Variants in TDRP observed in about 807,000 individuals in gnomAD.
TDRP encodes testis development related protein, also known as testis development-related protein.
A neutral mutation model predicts 10.5 loss-of-function variants in TDRP; 12 were observed. The ratio of observed to expected loss-of-function variants is 1.15; its 90% CI spans 0.73 to 1.86. The LOEUF (loss-of-function observed/expected upper bound fraction) is 1.86. Ranked by LOEUF, TDRP falls within the 40% of genes most tolerant of loss-of-function variation. The pLI is 0.00. For synonymous variants in TDRP, 139 were observed against 95.4 expected (o/e 1.46, Z -2.67); for missense variants, 353 against 229.2 (o/e 1.54, Z -3.49).
At position 491,641 on chromosome 8, in the gene TDRP, C is replaced by A; in HGVS notation, c.*758G>T. On this transcript the variant is annotated 3_prime_UTR_variant, in exon 3 of 3. Coordinates refer to ENST00000324079, the MANE Select transcript of TDRP (RefSeq NM_001384899.1). ...AATGTTTCCTAAATGAAATTATCAA[C>A]TGACTAAAATTGATCCATACTTCTT... is the stretch of plus-strand genomic sequence containing the variant. 1.3e-6 allele frequency: 2 copies of A among 1,531,372 alleles called. No homozygotes were observed. Among genetic ancestry groups the A allele is most frequent in the Non-Finnish European group, 1.7e-6 (2 of 1,145,424 alleles). 94.9% of individuals were successfully genotyped at this position (1,531,372 alleles called of 1,614,324 possible).
intron 1 of TDRP, among the ~76,000 whole-genome samples, chr8:535,684 G>A (rs758048319): frequency 6.6e-6 from 1 of 151,716 alleles, no homozygotes; most frequent in African/African-American, 2.4e-5. Context: ...AAGACAGACT[G>A]CAGGGCCTCC....
intron 1 of TDRP, among the ~76,000 whole-genome samples, chr8:516,514 A>G (rs1329524154): frequency 6.6e-6 from 1 of 152,212 alleles, no homozygotes; most frequent in East Asian, 1.9e-4. Flanking sequence ...AAGATGCTCC[A>G]CAACATCTGT....
intron 1 of TDRP, among the ~76,000 whole-genome samples, chr8:533,828 C>G (rs1802274411): frequency 6.6e-6 from 1 of 152,138 alleles, no homozygotes; most frequent in Admixed American, 6.5e-5. Context: ...TCTCTTTCCT[C>G]GCAATGTTCT....
At chr8:514,487 T>G (rs1801701466) in intron 1 of TDRP, among the ~76,000 whole-genome samples, 1 of 152,184 alleles carries the variant, frequency 6.6e-6, no homozygotes, top group Admixed American at 6.5e-5. Flanking sequence ...GGGGACAGGA[T>G]GCTGAACGCA....
intron 1 of TDRP, among the ~76,000 whole-genome samples, chr8:525,904 G>T (rs1057038216): frequency 4.9e-4 from 74 of 152,256 alleles, no homozygotes; most frequent in African/African-American, 1.6e-3. Context: ...AATGTTAGGT[G>T]GAATTCAGCA....
chr8:512,732 T>C (rs1043662399), intron 1 of TDRP, among the ~76,000 whole-genome samples: 33 of 152,298 alleles, frequency 2.2e-4, no homozygotes, highest in South Asian at 1.2e-3. Context: ...CTCAGCATTT[T>C]TGTAGGCAAA....
At chr8:537,539 T>G (rs1485283039) in intron 1 of TDRP, among the ~76,000 whole-genome samples, 1 of 152,246 alleles carries the variant, frequency 6.6e-6, no homozygotes, top group Non-Finnish European at 1.5e-5. Flanking sequence ...CATTTACTTT[T>G]CACTTTTTCA....
intron 1 of TDRP, among the ~76,000 whole-genome samples, chr8:535,146 C>T (rs184245586): frequency 6.6e-6 from 1 of 152,230 alleles, no homozygotes; most frequent in Non-Finnish European, 1.5e-5. Flanking sequence ...TTTTAATATA[C>T]ATTTATTAAT....
chr8:504,272 A>T (rs1440661694), intron 1 of TDRP, among the ~76,000 whole-genome samples: 1 of 152,236 alleles, frequency 6.6e-6, no homozygotes, highest in Non-Finnish European at 1.5e-5. Context: ...ACTGGCCTCA[A>T]AAAAGGCCCC....
At chr8:539,248 G>C (rs1223613303) in intron 1 of TDRP, among the ~76,000 whole-genome samples, 3 of 152,118 alleles carry the variant, frequency 2.0e-5, no homozygotes, top group Non-Finnish European at 4.4e-5. Flanking sequence ...CGGCACGATG[G>C]GATGAGTGTC....
chr8:534,580 G>C (rs575711955), intron 1 of TDRP, among the ~76,000 whole-genome samples: 89 of 152,244 alleles, frequency 5.8e-4, no homozygotes, highest in Middle Eastern at 3.4e-3. Context: ...CTATACTTGG[G>C]GGCTGTGAAA....
chr8:517,061 A>T (rs1801775584), intron 1 of TDRP, among the ~76,000 whole-genome samples: 1 of 152,184 alleles, frequency 6.6e-6, no homozygotes, highest in East Asian at 1.9e-4. Context: ...TCAGGCCGTG[A>T]TGGGAAGGAG....
chr8:513,780 A>C (rs1801680526), intron 1 of TDRP, among the ~76,000 whole-genome samples: 1 of 152,254 alleles, frequency 6.6e-6, no homozygotes, highest in African/African-American at 2.4e-5. Context: ...TGTTAGAACT[A>C]ATAAAAGAGT....
At chr8:538,611 C>G (rs545591818) in intron 1 of TDRP, among the ~76,000 whole-genome samples, 34 of 151,922 alleles carry the variant, frequency 2.2e-4, no homozygotes, top group African/African-American at 8.2e-4. Context: ...TCAATCAAGG[C>G]TCACCAGAAA....
rs1038439159 is a variant in TDRP at position 492,619 on chromosome 8, T to C, written c.338A>G (p.Lys113Arg). The C allele has an allele frequency of 1.9e-6, 3 of 1,614,016 alleles. No individual in the cohort carries two copies. Among genetic ancestry groups the C allele is most frequent in the Non-Finnish European group, 1.7e-6 (2 of 1,179,872 alleles). Reference sequence around the variant, plus strand: ...AGCCGATATGTCTTCAAGAGCAAGTTTTGGAGGCTCCCAACCTTCAATTTC... The same window carrying C: ...AGCCGATATGTCTTCAAGAGCAAGTCTTGGAGGCTCCCAACCTTCAATTTC... ...PDEIEGWEPP[K>R]LALEDISADP... Residue 113 changes from lysine to arginine, a missense_variant, in exon 3 of 3, where the codon AAA (lysine) becomes AGA (arginine). Coordinates refer to ENST00000324079, the MANE Select transcript of TDRP (RefSeq NM_001384899.1).
chr8:526,936 T>A (rs1338730666), intron 1 of TDRP, among the ~76,000 whole-genome samples: 1 of 152,074 alleles, frequency 6.6e-6, no homozygotes, highest in Non-Finnish European at 1.5e-5. Context: ...GCAGACATGA[T>A]CTTATACTTG....
chr8:498,955 G>C (rs1801211350), intron 1 of TDRP, among the ~76,000 whole-genome samples: 2 of 151,992 alleles, frequency 1.3e-5, no homozygotes, highest in Admixed American at 6.5e-5. Flanking sequence ...CCTTACGTAA[G>C]TTTCCTGAGG....
intron 1 of TDRP, among the ~76,000 whole-genome samples, chr8:525,099 C>T (rs1320512088): frequency 6.6e-6 from 1 of 152,142 alleles, no homozygotes; most frequent in Admixed American, 6.5e-5. Context: ...TACAATGGAG[C>T]TCCGATAGGT....
intron 1 of TDRP, among the ~76,000 whole-genome samples, chr8:507,631 T>C (rs187013574): frequency 4.2e-4 from 64 of 152,196 alleles, no homozygotes; most frequent in African/African-American, 1.4e-3. Flanking sequence ...AGAAGCCACA[T>C]CAGGAGCTAA....
Sources: gnomAD v4.1 joint callset for allele counts (sites outside exome capture counted in the v4.1 genomes callset) on GRCh38, gnomAD v4.1.1 for gene constraint, MANE v1.5 for transcripts, NCBI Gene and HGNC (gene_info 2026-07-23, HGNC 2026-07-21) for gene names.